The following CUX1 variants were observed in gnomAD, a reference collection of about 807,000 sequenced individuals.
CUX1 encodes the protein protein CASP.
In CUX1, 31 loss-of-function variants were observed where a neutral mutation model predicts 158.8. The ratio of observed to expected loss-of-function variants is 0.20; its 90% CI spans 0.15 to 0.26. CUX1 has a LOEUF of 0.26. Among genes scored for constraint, CUX1 ranks in the 10% least tolerant of loss-of-function variants. The pLI, the probability that CUX1 is intolerant of heterozygous loss-of-function variation, is 1.00. For missense variants in CUX1, 1,589 were observed against 2,014.6 expected, an observed-to-expected ratio of 0.79 and a Z score of 4.04; for synonymous variants, 879 against 862.1, an observed-to-expected ratio of 1.02 and a Z score of -0.34.
chr7:102,078,824 T>C (rs1311879168), intron 4 of CUX1, among the ~76,000 whole-genome samples: 3 of 152,130 alleles, frequency 2.0e-5, no homozygotes, highest in African/African-American at 7.2e-5. Context: ...TTTCAGAGCC[T>C]GCTCCCAAAT....
At chr7:101,829,564 T>C (rs1793752255) in intron 1 of CUX1, among the ~76,000 whole-genome samples, 1 of 151,952 alleles carries the variant, frequency 6.6e-6, no homozygotes, top group Non-Finnish European at 1.5e-5. Context: ...TAGACAACCC[T>C]CAGCCGAAGC....
At chr7:101,862,319 G>T (rs1462612647) in intron 1 of CUX1, among the ~76,000 whole-genome samples, 1 of 152,054 alleles carries the variant, frequency 6.6e-6, no homozygotes, top group Non-Finnish European at 1.5e-5. Context: ...TCCTCCAAGA[G>T]CTTCCAGTCT....
At chr7:101,898,637 C>T (rs985749565) in intron 1 of CUX1, among the ~76,000 whole-genome samples, 8 of 135,902 alleles carry the variant, frequency 5.9e-5, no homozygotes, top group African/African-American at 2.3e-4. Context: ...GTGGCCTGGG[C>T]TGGAGTGCAG....
intron 2 of CUX1, among the ~76,000 whole-genome samples, chr7:101,973,914 G>A (rs979371810): frequency 3.3e-5 from 5 of 151,118 alleles, no homozygotes; most frequent in African/African-American, 1.2e-4. Context: ...GATTACAGGT[G>A]TCCGCCACCA....
At position 102,257,348 on chromosome 7, in the gene CUX1, C is replaced by G. The variant is rs1268192046; in HGVS notation, c.*8306C>G. 13 of 983,640 alleles carry G rather than the reference C, an allele frequency of 1.3e-5. No homozygotes were observed. Among genetic ancestry groups the G allele is most frequent in the African/African-American group, 1.8e-5 (1 of 56,736 alleles). The allele number at this position is 983,640 out of a possible 1,614,324, so 60.9% of individuals were successfully genotyped here. Reference sequence around the variant, plus strand: ...TTCTCTAATTAGTCTATGCATTTCTCTCTCTCAAACCATCTTCTGCCTCTT... The same window carrying G: ...TTCTCTAATTAGTCTATGCATTTCTGTCTCTCAAACCATCTTCTGCCTCTT... On this transcript the variant is annotated 3_prime_UTR_variant, in exon 24 of 24. Transcript: ENST00000292535.
At position 102,204,055 on chromosome 7, in the gene CUX1, G is replaced by T. The variant is rs368324272; in HGVS notation, c.2908-336G>T. ...CCACCAAGTGAAGAGCAAGGTGCTT[G>T]TACACACCTCCTCCGCGGGGTGTCA... On this transcript the variant is annotated intron_variant, in intron 18 of 23. Transcript: ENST00000292535. Among the ~76,000 whole-genome samples, 33 of 152,302 alleles carry T rather than the reference G, an allele frequency of 2.2e-4. No individual in the cohort carries two copies. The East Asian group carries it at 2.7e-3, about 12-fold the overall frequency.
At chr7:102,065,220 A>G (rs1274225398) in intron 3 of CUX1, among the ~76,000 whole-genome samples, 3 of 151,854 alleles carry the variant, frequency 2.0e-5, no homozygotes, top group Non-Finnish European at 2.9e-5. Context: ...AGCTGGGACT[A>G]CAGGCGTGTA....
chr7:101,880,854 C>T lies in CUX1; in HGVS notation c.31-35261C>T, dbSNP rs532175949. The stretch of plus-strand genomic sequence containing the variant: ...GAAGCCAGCCAGGCCAGGCCCCCCA[C>T]CCCCAGGTCCTGGGTTGGGGCTCTG... On this transcript the variant is annotated intron_variant, in intron 1 of 23. Coordinates refer to ENST00000292535, the MANE Select transcript of CUX1 (RefSeq NM_181552.4). Among the ~76,000 whole-genome samples, 498 of 152,294 alleles carry T rather than the reference C, an allele frequency of 3.3e-3. 3 individuals are homozygous for T. Among genetic ancestry groups the T allele is most frequent in the African/African-American group, 0.011 (477 of 41,556 alleles).
chr7:101,843,845 C>A (rs1196520121), intron 1 of CUX1, among the ~76,000 whole-genome samples: 1 of 152,112 alleles, frequency 6.6e-6, no homozygotes, highest in Non-Finnish European at 1.5e-5. Context: ...TCTCTCCTTG[C>A]TAGAATATGT....
At chr7:102,000,296 C>T (rs547082759) in intron 2 of CUX1, among the ~76,000 whole-genome samples, 1 of 152,136 alleles carries the variant, frequency 6.6e-6, no homozygotes, top group East Asian at 1.9e-4. Context: ...ACACATGTGT[C>T]TTAAGCTTGC....
At chr7:101,922,000 C>T (rs1039667448) in intron 2 of CUX1, among the ~76,000 whole-genome samples, 2 of 152,096 alleles carry the variant, frequency 1.3e-5, no homozygotes, top group African/African-American at 4.8e-5. Context: ...CACTTGTAGT[C>T]CCAGCTACTT....
chr7:102,019,567 C>T (rs1819095974), intron 2 of CUX1, among the ~76,000 whole-genome samples: 1 of 152,140 alleles, frequency 6.6e-6, no homozygotes, highest in South Asian at 2.1e-4. Context: ...TGATCAGGAA[C>T]TCAGGGGTCC....
intron 8 of CUX1, among the ~76,000 whole-genome samples, chr7:102,146,187 A>G (rs1835004085): frequency 6.6e-6 from 1 of 152,146 alleles, no homozygotes; most frequent in Non-Finnish European, 1.5e-5. Flanking sequence ...TCATCCCTGG[A>G]GGCACTGTGC....
At chr7:101,865,620 G>A (rs1797863495) in intron 1 of CUX1, among the ~76,000 whole-genome samples, 1 of 152,218 alleles carries the variant, frequency 6.6e-6, no homozygotes, top group African/African-American at 2.4e-5. Context: ...GCGTCCGAGC[G>A]TTTCCACATT....
At chr7:102,185,834 G>A (rs965085109) in intron 11 of CUX1, among the ~76,000 whole-genome samples, 7 of 152,086 alleles carry the variant, frequency 4.6e-5, no homozygotes, top group Admixed American at 1.3e-4. Flanking sequence ...CTGCAGGCAC[G>A]TAGGACCGGC....
At chr7:102,070,807 C>A (rs1012808169) in intron 4 of CUX1, among the ~76,000 whole-genome samples, 1 of 152,306 alleles carries the variant, frequency 6.6e-6, no homozygotes. Flanking sequence ...TACTAAGACA[C>A]CTGGAGTGTC....
chr7:102,056,933 G>T (rs186433074), intron 3 of CUX1, among the ~76,000 whole-genome samples: 4 of 142,088 alleles, frequency 2.8e-5, no homozygotes, highest in African/African-American at 5.3e-5. Context: ...ACAGAGTCTC[G>T]CTCTGTCACC....
intron 4 of CUX1, among the ~76,000 whole-genome samples, chr7:102,083,251 T>C (rs1827633366): frequency 6.8e-6 from 1 of 147,346 alleles, no homozygotes; most frequent in Admixed American, 6.9e-5. Flanking sequence ...ATGCAGAATA[T>C]TTTTTCATGT....
chr7:102,259,474 G>T (rs1162514133), downstream of CUX1, among the ~76,000 whole-genome samples: 1 of 152,158 alleles, frequency 6.6e-6, no homozygotes, highest in African/African-American at 2.4e-5. Flanking sequence ...TGTAATCCCA[G>T]CTACTTGGGA....
Sources: allele counts gnomAD v4.1 joint callset (sites outside exome capture counted in the v4.1 genomes callset), GRCh38; gene constraint gnomAD v4.1.1; transcripts MANE v1.5; gene names NCBI Gene and HGNC (gene_info 2026-07-23, HGNC 2026-07-21).